Variants in KALRN observed in about 807,000 individuals in gnomAD.
The protein encoded by KALRN is kalirin RhoGEF kinase.
Under a neutral mutation model 353.7 loss-of-function variants are expected in KALRN, and 70 were observed. The ratio of observed to expected loss-of-function variants is 0.20; its 90% CI spans 0.16 to 0.24. The LOEUF (loss-of-function observed/expected upper bound fraction) is 0.24. Ranked by LOEUF, KALRN falls within the 10% of genes least tolerant of loss-of-function variation. The pLI is 1.00. For synonymous variants in KALRN, 1,391 were observed against 1,434.8 expected (o/e 0.97, Z 0.69); for missense variants, 2,791 against 3,756.7 (o/e 0.74, Z 6.72).
intron 1 of KALRN, among the ~76,000 whole-genome samples, chr3:124,037,551 A>T (rs1026056153): frequency 3.9e-5 from 6 of 152,186 alleles, no homozygotes; most frequent in Admixed American, 3.9e-4. Flanking sequence ...CACATCATGA[A>T]AAATGTGGTG....
chr3:124,526,957 A>C (rs1324783650), intron 33 of KALRN, among the ~76,000 whole-genome samples: 1 of 152,244 alleles, frequency 6.6e-6, no homozygotes, highest in African/African-American at 2.4e-5. Flanking sequence ...CTAGACAGGA[A>C]AAAGAAAACA....
chr3:124,224,087 C>T (rs762205368), intron 1 of KALRN, among the ~76,000 whole-genome samples: 65 of 151,684 alleles, frequency 4.3e-4, no homozygotes, highest in Non-Finnish European at 7.8e-4. Context: ...ATGCCTTTGT[C>T]CTTAAGAAGA....
At chr3:124,644,213 AT>A (rs1232478413) in intron 37 of KALRN, among the ~76,000 whole-genome samples, 2 of 151,312 alleles carry the variant, frequency 1.3e-5, no homozygotes, top group Admixed American at 6.6e-5. Context: ...TTTTAAAAAA[AT>A]ATTCCACATA....
chr3:124,566,133 G>T (rs1348715195), intron 34 of KALRN, among the ~76,000 whole-genome samples: 2 of 152,130 alleles, frequency 1.3e-5, no homozygotes, highest in African/African-American at 4.8e-5. Flanking sequence ...CTTTCAAATG[G>T]CATCCTGTGA....
chr3:124,087,583 C>T (rs1036906836), intron 1 of KALRN, among the ~76,000 whole-genome samples: 2 of 152,180 alleles, frequency 1.3e-5, no homozygotes, highest in Non-Finnish European at 2.9e-5. Flanking sequence ...ACAAACCACC[C>T]TAAATCTTAG....
At chr3:124,510,527 T>C (rs1369084021) in intron 33 of KALRN, among the ~76,000 whole-genome samples, 1 of 152,174 alleles carries the variant, frequency 6.6e-6, no homozygotes, top group Non-Finnish European at 1.5e-5. Context: ...GAGGGTTTTT[T>C]TTTTGTTTCA....
intron 1 of KALRN, among the ~76,000 whole-genome samples, chr3:124,225,581 G>A (rs1313737734): frequency 6.6e-6 from 1 of 152,186 alleles, no homozygotes; most frequent in African/African-American, 2.4e-5. Flanking sequence ...GCATGGACAA[G>A]CTGCACACCT....
At chr3:124,138,231 T>A (rs1172605465) in intron 1 of KALRN, among the ~76,000 whole-genome samples, 2 of 152,158 alleles carry the variant, frequency 1.3e-5, no homozygotes, top group Non-Finnish European at 2.9e-5. Flanking sequence ...TGCAAAATCC[T>A]CTCTCCCTGC....
intron 25 of KALRN, among the ~76,000 whole-genome samples, chr3:124,469,008 A>G (rs1287329650): frequency 5.3e-5 from 8 of 152,260 alleles, no homozygotes; most frequent in Admixed American, 5.2e-4. Context: ...TTTGTTTTAC[A>G]CACTAACTTC....
chr3:124,368,666 C>T (rs1294263877), intron 10 of KALRN, among the ~76,000 whole-genome samples: 6 of 147,368 alleles, frequency 4.1e-5, no homozygotes, highest in South Asian at 2.3e-4. Context: ...GGGTGGCGGC[C>T]GGGCAGAGGC....
intron 1 of KALRN, among the ~76,000 whole-genome samples, chr3:124,199,168 C>T (rs1399388194): frequency 6.6e-6 from 1 of 152,258 alleles, no homozygotes. Flanking sequence ...TACTGCAGTG[C>T]ATGCCTGACA....
At chr3:124,143,677 C>T (rs1323391952) in intron 1 of KALRN, among the ~76,000 whole-genome samples, 1 of 152,036 alleles carries the variant, frequency 6.6e-6, no homozygotes, top group Non-Finnish European at 1.5e-5. Flanking sequence ...CAGAAAATAC[C>T]TATTAATGCT....
chr3:124,257,599 T>C (rs572156208), intron 3 of KALRN, among the ~76,000 whole-genome samples: 124 of 152,342 alleles, frequency 8.1e-4, no homozygotes, highest in African/African-American at 2.9e-3. Context: ...GGAGAGTCTA[T>C]GAAACAGAAC....
rs191038493 is a variant in KALRN, at chr3:124,630,786, T to C, written c.5183-1634T>C. 9.4e-4 allele frequency among the ~76,000 whole-genome samples: 143 copies of C among 152,234 alleles called. 3 individuals are homozygous for C. The highest frequency in any genetic ancestry group is 8.4e-3 in the Admixed American group (128 of 15,294). On this transcript the variant is annotated intron_variant, in intron 34 of 59. Coordinates refer to ENST00000682506, the MANE Select transcript of KALRN (RefSeq NM_001388419.1). ...TGCAAGCATATACGATTGAAAATAG[T>C]CAATATATGGCATACAGCTTACAAA...
chr3:124,039,560 AC>A (rs1447746903), intron 1 of KALRN, among the ~76,000 whole-genome samples: 1 of 152,216 alleles, frequency 6.6e-6, no homozygotes, highest in African/African-American at 2.4e-5. Context: ...GATTTCTTAA[AC>A]TTTTTTCTTA....
intron 34 of KALRN, among the ~76,000 whole-genome samples, chr3:124,602,560 G>C (rs960324129): frequency 6.6e-6 from 1 of 152,160 alleles, no homozygotes; most frequent in Non-Finnish European, 1.5e-5. Flanking sequence ...CCTGTTGTAC[G>C]TGCCCAGAGG....
chr3:124,356,159 C>T (rs1383041709), intron 10 of KALRN, among the ~76,000 whole-genome samples: 1 of 151,964 alleles, frequency 6.6e-6, no homozygotes, highest in Non-Finnish European at 1.5e-5. Context: ...ACTTCCTTAC[C>T]TCCTCCATTC....
rs377601256 is a variant in KALRN, at chr3:124,679,451, A to T, written c.7318-7A>T. ...TTTCTTCCCCCTTCCTCATGCTGCC[A>T]ATCAAGGAGACGAACAGTTCCGAGG... On this transcript the variant is annotated splice_region_variant and splice_polypyrimidine_tract_variant and intron_variant, in intron 50 of 59. Coordinates refer to ENST00000682506, the MANE Select transcript of KALRN (RefSeq NM_001388419.1). The T allele has an allele frequency of 6.2e-7, 1 of 1,612,666 alleles. No homozygotes were observed. Among genetic ancestry groups the T allele is most frequent in the African/African-American group, 1.3e-5 (1 of 75,030 alleles).
chr3:124,645,986 T>C (rs1201015878), intron 37 of KALRN, among the ~76,000 whole-genome samples: 2 of 152,200 alleles, frequency 1.3e-5, no homozygotes, highest in African/African-American at 2.4e-5. Flanking sequence ...TTTTCATTTT[T>C]ATTTTTATTT....
Sources: allele counts gnomAD v4.1 joint callset (sites outside exome capture counted in the v4.1 genomes callset), GRCh38; gene constraint gnomAD v4.1.1; transcripts MANE v1.5; gene names NCBI Gene and HGNC (gene_info 2026-07-23, HGNC 2026-07-21).